Variants in SGCZ observed in about 807,000 individuals in gnomAD.
The protein encoded by SGCZ is zeta-sarcoglycan.
A neutral mutation model predicts 41.3 loss-of-function variants in SGCZ; 40 were observed. That is an observed-to-expected ratio of 0.97 (90% CI 0.75 to 1.26). SGCZ has a LOEUF of 1.26. SGCZ is among the 50% of genes most tolerant of loss of function. SGCZ has a pLI of 0.00. For missense variants in SGCZ, 552 were observed against 369.8 expected (o/e 1.49, Z -4.04); for synonymous variants, 206 against 137.5 (o/e 1.50, Z -3.49).
intron 2 of SGCZ, among the ~76,000 whole-genome samples, chr8:14,404,797 AT>A (rs1799166985): frequency 6.6e-6 from 1 of 152,124 alleles, no homozygotes; most frequent in Non-Finnish European, 1.5e-5. Flanking sequence ...AAACCTGCAA[AT>A]TACATCGTCT....
At chr8:14,825,751 T>C (rs964114796) in intron 1 of SGCZ, among the ~76,000 whole-genome samples, 7 of 152,142 alleles carry the variant, frequency 4.6e-5, no homozygotes, top group African/African-American at 1.4e-4. Flanking sequence ...CTACCGTCTA[T>C]TCTATGAAAT....
intron 1 of SGCZ, among the ~76,000 whole-genome samples, chr8:14,803,386 C>A (rs566976244): frequency 2.0e-5 from 3 of 152,062 alleles, no homozygotes; most frequent in African/African-American, 7.2e-5. Flanking sequence ...ATGCGCAAGC[C>A]GAAGCAGGGT....
At chr8:15,090,160 T>C (rs115390895) in intron 1 of SGCZ, among the ~76,000 whole-genome samples, 2,836 of 152,294 alleles carry the variant, frequency 0.019, 69 homozygotes, top group African/African-American at 0.062. Flanking sequence ...TTACAGTTCA[T>C]AGACAAAGGT....
At chr8:14,366,136 T>G (rs1803698464) in intron 2 of SGCZ, among the ~76,000 whole-genome samples, 1 of 152,094 alleles carries the variant, frequency 6.6e-6, no homozygotes. Context: ...AATAAATGAG[T>G]CTTTGTCTCT....
chr8:14,225,289 T>C (rs1806333899), intron 4 of SGCZ, among the ~76,000 whole-genome samples: 1 of 152,114 alleles, frequency 6.6e-6, no homozygotes. Context: ...CTAAATGATC[T>C]GCTGTTTATG....
At chr8:15,079,031 T>C (rs1375016669) in intron 1 of SGCZ, among the ~76,000 whole-genome samples, 1 of 152,194 alleles carries the variant, frequency 6.6e-6, no homozygotes. Flanking sequence ...CTTGGCTTTA[T>C]AGATCCAAAT....
At chr8:14,412,595 A>G (rs1385197199) in intron 2 of SGCZ, among the ~76,000 whole-genome samples, 1 of 152,120 alleles carries the variant, frequency 6.6e-6, no homozygotes, top group African/African-American at 2.4e-5. Context: ...AAGGAACTAC[A>G]CAACAGCGAA....
At chr8:14,589,851 C>A (rs985933179) in intron 1 of SGCZ, among the ~76,000 whole-genome samples, 2 of 152,086 alleles carry the variant, frequency 1.3e-5, no homozygotes, top group Non-Finnish European at 2.9e-5. Flanking sequence ...AAGAAGAAAT[C>A]TTCCGTATTT....
intron 3 of SGCZ, among the ~76,000 whole-genome samples, chr8:14,305,875 C>G (rs181844902): frequency 6.6e-6 from 1 of 152,320 alleles, no homozygotes; most frequent in Admixed American, 6.5e-5. Flanking sequence ...GGGACTCACT[C>G]TCTATTGCCG....
intron 1 of SGCZ, among the ~76,000 whole-genome samples, chr8:14,645,135 A>G (rs2117439930): frequency 6.6e-6 from 1 of 151,716 alleles, no homozygotes; most frequent in African/African-American, 2.4e-5. Context: ...TTTAGTTCCT[A>G]AAAATGTACC....
chr8:14,670,060 A>T (rs558051173), intron 1 of SGCZ, among the ~76,000 whole-genome samples: 1 of 152,354 alleles, frequency 6.6e-6, no homozygotes, highest in African/African-American at 2.4e-5. Flanking sequence ...TTTGTCAAAA[A>T]ATCAAATCTA....
At chr8:14,438,387 A>G (rs566507301) in intron 2 of SGCZ, among the ~76,000 whole-genome samples, 26 of 152,130 alleles carry the variant, frequency 1.7e-4, no homozygotes, top group African/African-American at 6.3e-4. Context: ...AGACGTCATA[A>G]TTCACTCTTT....
At chr8:14,154,464 A>C (rs1323102014) in intron 5 of SGCZ, among the ~76,000 whole-genome samples, 1 of 152,202 alleles carries the variant, frequency 6.6e-6, no homozygotes, top group African/African-American at 2.4e-5. Flanking sequence ...ATGGGACCCT[A>C]AGCTGATCGA....
chr8:14,946,259 C>G (rs569955742), intron 1 of SGCZ, among the ~76,000 whole-genome samples: 2 of 150,612 alleles, frequency 1.3e-5, no homozygotes, highest in African/African-American at 4.9e-5. Flanking sequence ...TCAAGCAGAG[C>G]GTAGACTCTA....
At chr8:14,748,113 T>A (rs1302108195) in intron 1 of SGCZ, among the ~76,000 whole-genome samples, 1 of 152,102 alleles carries the variant, frequency 6.6e-6, no homozygotes, top group Non-Finnish European at 1.5e-5. Context: ...CTCAAAGGCT[T>A]CCCGTGTGTC....
intron 3 of SGCZ, among the ~76,000 whole-genome samples, chr8:14,318,242 G>T (rs549179349): frequency 6.6e-6 from 1 of 151,536 alleles, no homozygotes; most frequent in African/African-American, 2.4e-5. Context: ...GGAGGAAGAG[G>T]GAGAAGGGCA....
At position 14,230,492 on chromosome 8, in the gene SGCZ, G is replaced by A. The variant is rs181908832; in HGVS notation, c.424+7100C>T. 7.1e-3 allele frequency among the ~76,000 whole-genome samples: 1,078 copies of A among 152,154 alleles called. 10 individuals carry two copies. The highest frequency in any genetic ancestry group is 0.011 in the Non-Finnish European group (736 of 67,982). On this transcript the variant is annotated intron_variant, in intron 4 of 7. Transcript: ENST00000382080. ...CGGATGCCTGGAGTAATGTACATAA[G>A]GTCACATAGCGGGCAGTTGACAGAT... is the stretch of plus-strand genomic sequence containing the variant.
chr8:14,667,701 A>C (rs1585167392), intron 1 of SGCZ, among the ~76,000 whole-genome samples: 1 of 152,176 alleles, frequency 6.6e-6, no homozygotes, highest in East Asian at 1.9e-4. Flanking sequence ...TCACTATTGA[A>C]CTCTTGTTGA....
chr8:14,108,339 A>C, intron 5 of SGCZ, 104 bp from the exon 6 acceptor site: 1 of 961,298 alleles, frequency 1.0e-6, no homozygotes, highest in Non-Finnish European at 1.6e-6. Flanking sequence ...AGAAAACTTA[A>C]AACAGGTACA....
Sources: allele counts gnomAD v4.1 joint callset (sites outside exome capture counted in the v4.1 genomes callset), GRCh38; gene constraint gnomAD v4.1.1; transcripts MANE v1.5; gene names NCBI Gene and HGNC (gene_info 2026-07-23, HGNC 2026-07-21).